The following XKR6 variants were observed in gnomAD, a reference collection of about 807,000 sequenced individuals.
The protein encoded by XKR6 is XK-related protein 6.
XKR6 carries 22 observed loss-of-function variants against 56.7 expected under a neutral mutation model. That is an observed-to-expected ratio of 0.39 (90% confidence interval 0.28 to 0.55). The LOEUF (loss-of-function observed/expected upper bound fraction) is 0.55. XKR6 is among the 20% of genes least tolerant of loss of function. The pLI, the probability that XKR6 is intolerant of heterozygous loss-of-function variation, is 0.66. For synonymous variants in XKR6, 524 were observed against 387.8 expected (o/e 1.35, Z -4.13); for missense variants, 852 against 889.0 (o/e 0.96, Z 0.53).
chr8:11,048,982 G>C (rs1198617577), intron 1 of XKR6, among the ~76,000 whole-genome samples: 1 of 152,200 alleles, frequency 6.6e-6, no homozygotes, highest in Non-Finnish European at 1.5e-5. Context: ...TCTTATCAAT[G>C]AGATCAACAG....
At chr8:11,054,782 C>T (rs753045986) in intron 1 of XKR6, among the ~76,000 whole-genome samples, 36 of 152,122 alleles carry the variant, frequency 2.4e-4, no homozygotes, top group Non-Finnish European at 4.6e-4. Context: ...GGTCCGAGGG[C>T]GGGGGCTGCC....
intron 1 of XKR6, among the ~76,000 whole-genome samples, chr8:11,090,603 T>A (rs1798034523): frequency 6.6e-6 from 1 of 152,178 alleles, no homozygotes; most frequent in South Asian, 2.1e-4. Context: ...AAACAGTATG[T>A]TATTGTTTTA....
intron 1 of XKR6, among the ~76,000 whole-genome samples, chr8:11,148,854 T>A (rs996140625): frequency 1.6e-4 from 24 of 152,218 alleles, no homozygotes; most frequent in Admixed American, 6.5e-5. Context: ...AGGAAAGAAC[T>A]ATTAATACCA....
rs186255226 is a variant in XKR6, at chr8:11,174,170, T to C, written c.764+26406A>G. 1.5e-3 allele frequency among the ~76,000 whole-genome samples: 235 copies of C among 152,368 alleles called. 1 individual carries two copies. The highest frequency in any genetic ancestry group is 2.9e-3 in the Admixed American group (45 of 15,308). On this transcript the variant is annotated intron_variant, in intron 1 of 2. Coordinates refer to ENST00000416569, the MANE Select transcript of XKR6 (RefSeq NM_173683.4). ...TCTGACAAAACAAAATGACTACAGC[T>C]GCCGATTATCACCTCTCAGTGAATG...
rs559245822 is a variant in XKR6, at chr8:11,073,797, GAAAC to G, written c.764+126775_764+126778del. On this transcript the variant is annotated intron_variant, in intron 1 of 2. Transcript: ENST00000416569. The stretch of plus-strand genomic sequence containing the variant: ...TTGGCAGACAGAGAGGGGCCAGTGA[GAAAC>G]AAACAGACAGACAGGGACCCATTCC... Among the ~76,000 whole-genome samples, 556 of 152,304 alleles carry G rather than the reference GAAAC, an allele frequency of 3.7e-3. 9 individuals are homozygous for G. Among genetic ancestry groups the G allele is most frequent in the Admixed American group, 0.029 (449 of 15,304 alleles).
In XKR6 at chr8:11,200,561, C is replaced by G; in HGVS notation, c.764+15G>C. 6.9e-7 allele frequency: 1 copy of G among 1,454,486 alleles called. No individual in the cohort carries two copies. 90.1% of individuals were successfully genotyped at this position (1,454,486 alleles called of 1,614,324 possible). ...TCCTCAGGGCCGGCCCGCCCCCACC[C>G]CGCAGTGCTCTTACCTCCACACCTG... On this transcript the variant is annotated intron_variant, in intron 1 of 2. Coordinates refer to ENST00000416569, the MANE Select transcript of XKR6 (RefSeq NM_173683.4). This position sits in a 1 kb window ranked among gnomAD's most constrained non-coding sequence, Gnocchi z 6.4.
At chr8:10,919,316 AC>A (rs1298278799) in intron 2 of XKR6, among the ~76,000 whole-genome samples, 1 of 151,654 alleles carries the variant, frequency 6.6e-6, no homozygotes, top group Non-Finnish European at 1.5e-5. Flanking sequence ...GCTTTTCCTG[AC>A]CCCCTGCCTA....
intron 1 of XKR6, among the ~76,000 whole-genome samples, chr8:11,115,509 C>A (rs1586564851): frequency 6.6e-6 from 1 of 152,078 alleles, no homozygotes; most frequent in African/African-American, 2.4e-5. Context: ...TCATCTATGC[C>A]CATTAAATAT....
intron 1 of XKR6, among the ~76,000 whole-genome samples, chr8:11,041,276 G>A (rs923399515): frequency 6.6e-6 from 1 of 152,158 alleles, no homozygotes; most frequent in African/African-American, 2.4e-5. Flanking sequence ...CATGACATCA[G>A]GCCGGGCGCG....
At chr8:11,152,163 T>G (rs1332759167) in intron 1 of XKR6, among the ~76,000 whole-genome samples, 1 of 152,202 alleles carries the variant, frequency 6.6e-6, no homozygotes, top group Non-Finnish European at 1.5e-5. Context: ...GTGACACTCT[T>G]GGGAATCTTA....
intron 1 of XKR6, among the ~76,000 whole-genome samples, chr8:11,016,520 C>T (rs1370838985): frequency 6.6e-6 from 1 of 152,236 alleles, no homozygotes; most frequent in Middle Eastern, 3.2e-3. Context: ...TTCGCCCACG[C>T]CTTCCCTCCC....
At chr8:11,170,129 C>T (rs1333594748) in intron 1 of XKR6, among the ~76,000 whole-genome samples, 1 of 152,070 alleles carries the variant, frequency 6.6e-6, no homozygotes, top group Non-Finnish European at 1.5e-5. Context: ...AAATTGCTGC[C>T]CTTTGCAGCT....
intron 1 of XKR6, among the ~76,000 whole-genome samples, chr8:11,174,608 C>T (rs1473128495): frequency 6.6e-6 from 1 of 152,200 alleles, no homozygotes; most frequent in Admixed American, 6.5e-5. Flanking sequence ...ACATTCTGTT[C>T]TTTCCTGTGA....
intron 1 of XKR6, among the ~76,000 whole-genome samples, chr8:10,994,567 C>A (rs766641040): frequency 1.1e-4 from 17 of 152,218 alleles, no homozygotes; most frequent in Non-Finnish European, 7.3e-5. Flanking sequence ...ATCTGGGAAC[C>A]AGAGTCCATG....
intron 1 of XKR6, among the ~76,000 whole-genome samples, chr8:11,106,857 A>AT (rs1798694506): frequency 1.3e-5 from 2 of 148,656 alleles, no homozygotes; most frequent in South Asian, 2.1e-4. Context: ...TCTCAAAAAA[A>AT]AAAAAAAATA....
intron 1 of XKR6, among the ~76,000 whole-genome samples, chr8:11,026,994 GTCTAGCCTACTATACACTTAGATGC>G (rs1450005321): frequency 2.6e-5 from 4 of 152,072 alleles, no homozygotes; most frequent in African/African-American, 9.7e-5. Flanking sequence ...CACCTAGATG[GTCTAGCCTACTATACACTTAGATGC>G]TGTTGCCTAC....
intron 2 of XKR6, among the ~76,000 whole-genome samples, chr8:10,907,014 C>T (rs1204328184): frequency 6.6e-6 from 1 of 151,788 alleles, no homozygotes; most frequent in African/African-American, 2.4e-5. Context: ...CACCACTGCA[C>T]TCCAGCCTGG....
intron 1 of XKR6, among the ~76,000 whole-genome samples, chr8:11,139,437 C>T (rs529533061): frequency 6.6e-6 from 1 of 152,256 alleles, no homozygotes; most frequent in South Asian, 2.1e-4. Context: ...CCCCAACAGC[C>T]TGAGGCACTC....
At chr8:11,033,358 ACGATAGTGATGGTGATGGTGG>A (rs1563357874) in intron 1 of XKR6, among the ~76,000 whole-genome samples, 40 of 150,412 alleles carry the variant, frequency 2.7e-4, no homozygotes, top group African/African-American at 9.9e-4. Context: ...GATGATGATG[ACGATAGTGATGGTGATGGTGG>A]TGGTGATGAT....
Sources: allele counts gnomAD v4.1 joint callset (sites outside exome capture counted in the v4.1 genomes callset), GRCh38; gene constraint gnomAD v4.1.1; non-coding constraint Gnocchi (gnomAD v3.1); transcripts MANE v1.5; gene names NCBI Gene and HGNC (gene_info 2026-07-23, HGNC 2026-07-21).